LRBA: variants seen among roughly 807,000 people sequenced by gnomAD.
LRBA encodes lipopolysaccharide-responsive and beige-like anchor protein.
A neutral mutation model predicts 330.0 loss-of-function variants in LRBA; 176 were observed. The observed-to-expected ratio is 0.53, with a 90% CI of 0.47 to 0.60. The LOEUF (loss-of-function observed/expected upper bound fraction) is 0.60, where lower values mean the gene tolerates loss of function less well. Among genes scored for constraint, LRBA ranks in the 20% least tolerant of loss-of-function variants. The pLI, the probability that LRBA is intolerant of heterozygous loss-of-function variation, is 0.00. For synonymous variants in LRBA, 1,230 were observed against 1,193.0 expected, an observed-to-expected ratio of 1.03 and a Z score of -0.64; for missense variants, 3,259 against 3,444.8, an observed-to-expected ratio of 0.95 and a Z score of 1.35.
chr4:150,823,267 C>A (rs906725496), intron 30 of LRBA, among the ~76,000 whole-genome samples: 1 of 152,002 alleles, frequency 6.6e-6, no homozygotes, highest in Non-Finnish European at 1.5e-5. Context: ...GTTATCATTT[C>A]GTTTAAAATG....
At chr4:150,375,139 C>T (rs188887560) in intron 47 of LRBA, among the ~76,000 whole-genome samples, 2 of 152,260 alleles carry the variant, frequency 1.3e-5, no homozygotes, top group East Asian at 3.9e-4. Flanking sequence ...AGAAGGGAGG[C>T]TGTCTGGCTG....
rs1190425996 is a variant in LRBA, at chr4:150,583,404, G to C, written c.6330+4644C>G. ...TCACGGCGTCGGGCTATCTCTCAGC[G>C]CGTAAGATCCGCTCGCGTTTCCAGA... On this transcript the variant is annotated intron_variant, in intron 40 of 56. Transcript: ENST00000651943. The surrounding 1 kb of genome is among the most constrained non-coding windows in gnomAD (Gnocchi z 9.8). The C allele has an allele frequency of 3.1e-6, 5 of 1,614,000 alleles. No homozygotes were observed. Among genetic ancestry groups the C allele is most frequent in the Non-Finnish European group, 4.2e-6 (5 of 1,180,040 alleles).
chr4:150,489,389 TATAAA>T (rs1275049952), intron 41 of LRBA, among the ~76,000 whole-genome samples: 3 of 65,166 alleles, frequency 4.6e-5, no homozygotes. Flanking sequence ...CATATAAGAA[TATAAA>T]ATATATTATA....
chr4:150,269,256 C>CTGT (rs764384618), intron 56 of LRBA, among the ~76,000 whole-genome samples: 6 of 152,170 alleles, frequency 3.9e-5, no homozygotes, highest in Admixed American at 6.5e-5. Context: ...AACTTACTTA[C>CTGT]TGTTGTTACA....
chr4:150,617,591 G>A (rs950399548), intron 37 of LRBA, among the ~76,000 whole-genome samples: 1 of 152,098 alleles, frequency 6.6e-6, no homozygotes, highest in Non-Finnish European at 1.5e-5. Flanking sequence ...GCAGTGAGCA[G>A]AGATTGCACC....
In LRBA at chr4:150,583,972, C is replaced by G. The variant is rs781395062; in HGVS notation, c.6330+4076G>C. ...GCTCATCTCCTGCCTGCAGTGCCGC[C>G]GCTGCCCTCACTACTTTCTGCCCAA... On this transcript the variant is annotated intron_variant, in intron 40 of 56. Transcript: ENST00000651943. The surrounding 1 kb of genome is among the most constrained non-coding windows in gnomAD (Gnocchi z 9.8). 1.9e-6 allele frequency: 3 copies of G among 1,613,990 alleles called. No homozygotes were observed.
chr4:150,764,397 T>C (rs979382836), intron 34 of LRBA, among the ~76,000 whole-genome samples: 1 of 151,846 alleles, frequency 6.6e-6, no homozygotes, highest in Non-Finnish European at 1.5e-5. Flanking sequence ...ATATAGAAAA[T>C]CTTAAATAAT....
intron 55 of LRBA, among the ~76,000 whole-genome samples, chr4:150,280,336 C>T (rs897174421): frequency 1.1e-4 from 16 of 152,136 alleles, no homozygotes; most frequent in Admixed American, 7.2e-4. Flanking sequence ...CGTGGCTGCA[C>T]GGGTTTTAAG....
At chr4:150,885,926 A>C (rs1190343770) in intron 17 of LRBA, among the ~76,000 whole-genome samples, 1 of 152,236 alleles carries the variant, frequency 6.6e-6, no homozygotes, top group Non-Finnish European at 1.5e-5. Flanking sequence ...CATTGCTAGC[A>C]AATATGCCTT....
chr4:150,679,068 C>T (rs940625550), intron 37 of LRBA, among the ~76,000 whole-genome samples: 10 of 151,908 alleles, frequency 6.6e-5, no homozygotes, highest in South Asian at 2.1e-4. Flanking sequence ...AAAGAAAATA[C>T]GTCAAGATGA....
rs768717575 is a variant in LRBA at position 150,828,316 on chromosome 4, T to C, written c.5035A>G (p.Lys1679Glu). 6.2e-7 allele frequency: 1 copy of C among 1,614,194 alleles called. No homozygotes were observed. Among genetic ancestry groups the C allele is most frequent in the Non-Finnish European group, 8.5e-7 (1 of 1,180,014 alleles). ...TTAACCAAGCTTCGGAGAATGTCTT[T>C]CACATTGACGTTTTTTGAAACTGAA... is the stretch of plus-strand genomic sequence containing the variant. The part of the protein sequence containing the change: ...SVSVSKNVNV[K>E]DILRSLVNIP... The change falls in exon 30 of 57, where the codon AAA becomes GAA. Residue 1679 changes from lysine to glutamate, a missense_variant. Lys to Glu is a moderately conservative substitution (Grantham distance 56). Coordinates refer to ENST00000651943, the MANE Select transcript of LRBA (RefSeq NM_001364905.1).
chr4:150,916,619 A>G lies in LRBA; in HGVS notation c.765T>C (p.Tyr255=). ...INVDKDKPYL[Y]CFRTSKGLGY... ...TAATCAGTTACAGAAATACATACCAATACAAATATGGTTTATCCTTATCTA... is the reference window on the plus strand; with the variant it reads ...TAATCAGTTACAGAAATACATACCAGTACAAATATGGTTTATCCTTATCTA... The change falls in exon 6 of 57, where the codon TAT becomes TAC. Residue 255 remains tyrosine (Y), a splice_region_variant and synonymous_variant. Coordinates refer to ENST00000651943, the MANE Select transcript of LRBA (RefSeq NM_001364905.1). 6.3e-7 allele frequency: 1 copy of G among 1,595,680 alleles called. No individual in the cohort carries two copies.
At chr4:150,836,607 T>C (rs990435650) in intron 28 of LRBA, among the ~76,000 whole-genome samples, 2 of 152,234 alleles carry the variant, frequency 1.3e-5, no homozygotes, top group Non-Finnish European at 2.9e-5. Context: ...TATTCTCTGA[T>C]GGTAATTTGT....
chr4:150,831,603 T>G (rs906481701), intron 29 of LRBA, among the ~76,000 whole-genome samples: 2 of 152,214 alleles, frequency 1.3e-5, no homozygotes, highest in African/African-American at 4.8e-5. Flanking sequence ...TGACTTACAT[T>G]TAATTAGTTC....
intron 37 of LRBA, among the ~76,000 whole-genome samples, chr4:150,676,328 CTATT>C (rs1240673633): frequency 2.0e-5 from 3 of 152,022 alleles, no homozygotes; most frequent in African/African-American, 4.8e-5. Context: ...GCTTTTTAAG[CTATT>C]TATTTATAGT....
chr4:150,872,373 G>A (rs1753540804), intron 18 of LRBA, among the ~76,000 whole-genome samples: 1 of 152,126 alleles, frequency 6.6e-6, no homozygotes, highest in Admixed American at 6.5e-5. Flanking sequence ...CAAAAATGGT[G>A]TGAGTCACCT....
chr4:150,683,858 A>G (rs1284844356), intron 36 of LRBA, 141 bp from the exon 37 acceptor site: 13 of 605,088 alleles, frequency 2.1e-5, no homozygotes, highest in Non-Finnish European at 3.7e-5. Context: ...ACTGAGATTT[A>G]GTGATCTGCT....
At position 150,897,902 on chromosome 4, in the gene LRBA, T is replaced by G. The variant is rs1301152434; in HGVS notation, c.1925-84A>C. ...GTATAAAATTCTCATTCCCAACAGC[T>G]TTTCCATGTGTTTGTAAGAAATATA... is the stretch of plus-strand genomic sequence containing the variant. On this transcript the variant is annotated intron_variant, in intron 14 of 56. Coordinates refer to ENST00000651943, the MANE Select transcript of LRBA (RefSeq NM_001364905.1). 4 of 878,368 alleles carry G rather than the reference T, an allele frequency of 4.6e-6. No individual in the cohort carries two copies. In the East Asian group the frequency reaches 1.0e-4, roughly 22 times the overall value. The allele number at this position is 878,368 out of a possible 1,614,324, so 54.4% of individuals were successfully genotyped here.
chr4:150,511,542 C>A (rs893634344), intron 40 of LRBA, among the ~76,000 whole-genome samples: 1 of 152,152 alleles, frequency 6.6e-6, no homozygotes, highest in Non-Finnish European at 1.5e-5. Flanking sequence ...AACTGCAATG[C>A]AGCTTCTTTC....
Sources: allele counts gnomAD v4.1 joint callset (sites outside exome capture counted in the v4.1 genomes callset), GRCh38; gene constraint gnomAD v4.1.1; non-coding constraint Gnocchi (gnomAD v3.1); transcripts MANE v1.5; gene names NCBI Gene and HGNC (gene_info 2026-07-23, HGNC 2026-07-21).